OCA2: variants seen among roughly 807,000 people sequenced by gnomAD.
The protein encoded by OCA2 is P protein.
OCA2 carries 77 observed loss-of-function variants against 100.2 expected under a neutral mutation model. The ratio of observed to expected loss-of-function variants is 0.77; its 90% CI spans 0.64 to 0.93. OCA2 has a LOEUF of 0.93. OCA2 is among the 40% of genes least tolerant of loss of function. The pLI, the probability that OCA2 is intolerant of heterozygous loss-of-function variation, is 0.00. For missense variants in OCA2, 1,062 were observed against 1,089.1 expected, an observed-to-expected ratio of 0.98 and a Z score of 0.35; for synonymous variants, 432 against 439.2, an observed-to-expected ratio of 0.98 and a Z score of 0.21.
At position 27,755,297 on chromosome 15, in the gene OCA2, T is replaced by C. The variant is rs2030251048; in HGVS notation, c.*91A>G. On this transcript the variant is annotated 3_prime_UTR_variant, in exon 24 of 24. Transcript: ENST00000354638. ...CATCTCCAGGGTAAGCACCTTTTCT[T>C]CTTCAAACAGTGGGGTCAGGGTAGT... 4 of 925,326 alleles carry C rather than the reference T, an allele frequency of 4.3e-6. No homozygotes were observed. 57.3% of individuals were successfully genotyped at this position (925,326 alleles called of 1,614,324 possible).
At chr15:27,986,316 C>T (rs905789405) in intron 12 of OCA2, among the ~76,000 whole-genome samples, 1 of 152,072 alleles carries the variant, frequency 6.6e-6, no homozygotes, top group Non-Finnish European at 1.5e-5. Flanking sequence ...GTAGCTCTCA[C>T]CAGACAATTT....
chr15:27,977,961 A>C (rs1175161376), intron 14 of OCA2, among the ~76,000 whole-genome samples: 1 of 152,210 alleles, frequency 6.6e-6, no homozygotes, highest in East Asian at 1.9e-4. Context: ...AATTGCTGTT[A>C]TTTAAGCTGC....
chr15:27,951,650 C>T (rs2040031279), intron 18 of OCA2, 134 bp downstream of exon 18: 1 of 728,446 alleles, frequency 1.4e-6, no homozygotes, highest in South Asian at 1.5e-5. Context: ...GGCTGCCCAC[C>T]CTCCATCTCA....
intron 19 of OCA2, among the ~76,000 whole-genome samples, chr15:27,901,984 G>A (rs2037956030): frequency 1.3e-5 from 2 of 152,208 alleles, no homozygotes; most frequent in African/African-American, 4.8e-5. Flanking sequence ...GTCCTGGCAG[G>A]GGGCGGAGGG....
At chr15:27,922,736 TC>T (rs1314934299) in intron 19 of OCA2, among the ~76,000 whole-genome samples, 1 of 151,738 alleles carries the variant, frequency 6.6e-6, no homozygotes, top group African/African-American at 2.4e-5. Context: ...TGTGTTTGTT[TC>T]TCCCATGTGC....
At chr15:27,970,120 T>G (rs2040720756) in intron 14 of OCA2, among the ~76,000 whole-genome samples, 1 of 151,754 alleles carries the variant, frequency 6.6e-6, no homozygotes, top group Non-Finnish European at 1.5e-5. Flanking sequence ...CTGGCACACA[T>G]GGGTCTAAAG....
At chr15:27,764,362 A>T (rs1378307187) in intron 23 of OCA2, among the ~76,000 whole-genome samples, 1 of 152,118 alleles carries the variant, frequency 6.6e-6, no homozygotes, top group South Asian at 2.1e-4. Context: ...TCACACTGAA[A>T]GGCATTTTGC....
At chr15:27,771,255 G>A (rs1052552577) in intron 23 of OCA2, among the ~76,000 whole-genome samples, 2 of 151,564 alleles carry the variant, frequency 1.3e-5, no homozygotes, top group African/African-American at 4.9e-5. Context: ...ACAGCAAATC[G>A]CCCCACTCTC....
chr15:28,054,398 C>A (rs2043623073), intron 2 of OCA2, among the ~76,000 whole-genome samples: 1 of 152,176 alleles, frequency 6.6e-6, no homozygotes, highest in South Asian at 2.1e-4. Context: ...GGCCAAATGG[C>A]TCCTGCAGGC....
At chr15:27,876,081 C>A (rs1253869134) in intron 19 of OCA2, among the ~76,000 whole-genome samples, 3 of 152,024 alleles carry the variant, frequency 2.0e-5, no homozygotes, top group Admixed American at 2.0e-4. Context: ...AGGTGACTGC[C>A]TTGCTGCCAG....
intron 19 of OCA2, among the ~76,000 whole-genome samples, chr15:27,916,681 C>T (rs968871318): frequency 6.6e-6 from 1 of 152,240 alleles, no homozygotes; most frequent in African/African-American, 2.4e-5. Flanking sequence ...TTTCATTGTA[C>T]CAACTACTCT....
intron 2 of OCA2, among the ~76,000 whole-genome samples, chr15:28,051,343 A>G (rs910224771): frequency 6.6e-6 from 1 of 152,118 alleles, no homozygotes; most frequent in South Asian, 2.1e-4. Flanking sequence ...CTCAGGCTGG[A>G]GTGCAATGGT....
the OCA2 span, among the ~76,000 whole-genome samples, chr15:27,729,546 G>C: frequency 4.6e-5 from 7 of 152,068 alleles, no homozygotes; most frequent in Non-Finnish European, 1.0e-4. Flanking sequence ...TTTCTTTCTG[G>C]AGGCTGTAAG....
chr15:28,012,674 A>G (rs2042277902), intron 9 of OCA2, among the ~76,000 whole-genome samples: 1 of 152,202 alleles, frequency 6.6e-6, no homozygotes, highest in Admixed American at 6.5e-5. Context: ...AATAATACTA[A>G]CCATTAATTA....
chr15:28,070,700 G>C (rs2044230772), intron 2 of OCA2, among the ~76,000 whole-genome samples: 2 of 149,736 alleles, frequency 1.3e-5, no homozygotes, highest in African/African-American at 5.0e-5. Flanking sequence ...GGATGACAAT[G>C]GCGGCTTTGT....
At chr15:28,000,750 C>G (rs965467584) in intron 9 of OCA2, among the ~76,000 whole-genome samples, 1 of 152,068 alleles carries the variant, frequency 6.6e-6, no homozygotes, top group Non-Finnish European at 1.5e-5. Context: ...GTAAGGAACT[C>G]ATACGAATCA....
the OCA2 span, among the ~76,000 whole-genome samples, chr15:27,725,994 A>T: frequency 2.0e-5 from 3 of 151,926 alleles, no homozygotes; most frequent in East Asian, 5.8e-4. Flanking sequence ...CTAGATCATA[A>T]CTACCAGATA....
intron 12 of OCA2, 149 bp from the exon 13 acceptor site, chr15:27,985,337 CGAGAT>C: frequency 1.1e-6 from 1 of 891,356 alleles, no homozygotes; most frequent in Non-Finnish European, 1.8e-6. Context: ...CTAGGGGGGC[CGAGAT>C]GAGACAGTGC....
At chr15:27,733,093 T>C in the OCA2 span, among the ~76,000 whole-genome samples, 1 of 152,246 alleles carries the variant, frequency 6.6e-6, no homozygotes, top group Admixed American at 6.5e-5. Flanking sequence ...TGGTCACGAA[T>C]GCCTGCATTC....
Sources: allele counts gnomAD v4.1 joint callset (sites outside exome capture counted in the v4.1 genomes callset), GRCh38; gene constraint gnomAD v4.1.1; transcripts MANE v1.5; gene names NCBI Gene and HGNC (gene_info 2026-07-23, HGNC 2026-07-21).